Variants in PALMD observed in about 807,000 individuals in gnomAD.
PALMD encodes palmdelphin.
Under a neutral mutation model 56.2 loss-of-function variants are expected in PALMD, and 42 were observed. That is an observed-to-expected ratio of 0.75 (90% CI 0.58 to 0.97). The LOEUF (loss-of-function observed/expected upper bound fraction) is 0.97, where lower values mean the gene tolerates loss of function less well. Ranked by LOEUF, PALMD falls within the 50% of genes least tolerant of loss-of-function variation. The pLI, the probability that PALMD is intolerant of heterozygous loss-of-function variation, is 0.00. For missense variants in PALMD, 660 were observed against 643.8 expected, an observed-to-expected ratio of 1.03 and a Z score of -0.27; for synonymous variants, 242 against 222.9, an observed-to-expected ratio of 1.09 and a Z score of -0.76.
chr1:99,674,708 A>G (rs923076274), intron 3 of PALMD, among the ~76,000 whole-genome samples: 14 of 152,198 alleles, frequency 9.2e-5, no homozygotes, highest in Admixed American at 3.9e-4. Context: ...GTGCCTTGAA[A>G]TACAAATATG....
intron 3 of PALMD, among the ~76,000 whole-genome samples, chr1:99,679,110 C>T (rs1226975227): frequency 2.0e-5 from 3 of 152,078 alleles, no homozygotes; most frequent in Middle Eastern, 3.2e-3. Context: ...GAGAAATAGC[C>T]ATTGGACCCT....
At chr1:99,656,804 A>C (rs2100856016) in intron 1 of PALMD, among the ~76,000 whole-genome samples, 1 of 152,336 alleles carries the variant, frequency 6.6e-6, no homozygotes, top group Admixed American at 6.5e-5. Flanking sequence ...CTTTCTAAGC[A>C]AGCCACTTAA....
In PALMD at chr1:99,662,683, A is replaced by G. The variant is rs562666657; in HGVS notation, c.126+284A>G. Among the ~76,000 whole-genome samples the G allele has an allele frequency of 2.6e-5, 4 of 152,288 alleles. No individual in the cohort carries two copies. In the South Asian group the frequency reaches 6.2e-4, roughly 24 times the overall value. On this transcript the variant is annotated intron_variant, in intron 2 of 7. Coordinates refer to ENST00000263174, the MANE Select transcript of PALMD (RefSeq NM_017734.5). ...GCAACCTTGAGAATTCAGCCTTGAG[A>G]ATTTGGCCCTGCTCGCAGTCTTGCT... is the stretch of plus-strand genomic sequence containing the variant.
chr1:99,690,069 A>C (rs890815184), intron 7 of PALMD, 197 bp downstream of exon 7: 2 of 514,796 alleles, frequency 3.9e-6, no homozygotes, highest in Non-Finnish European at 6.7e-6. Context: ...AGAAAGTAAA[A>C]ATAAATCATT....
intron 1 of PALMD, among the ~76,000 whole-genome samples, chr1:99,651,235 A>T (rs1386278514): frequency 6.6e-6 from 1 of 152,252 alleles, no homozygotes; most frequent in Non-Finnish European, 1.5e-5. Flanking sequence ...GGTACGCCAC[A>T]CTTCTTTGCC....
chr1:99,680,377 A>C (rs1431418135), intron 3 of PALMD, among the ~76,000 whole-genome samples: 1 of 152,198 alleles, frequency 6.6e-6, no homozygotes, highest in African/African-American at 2.4e-5. Context: ...GAAAAGCAAG[A>C]TTCCAATAAT....
intron 1 of PALMD, among the ~76,000 whole-genome samples, chr1:99,659,011 A>T (rs893161576): frequency 2.6e-5 from 4 of 152,170 alleles, no homozygotes; most frequent in Admixed American, 2.6e-4. Flanking sequence ...ACAACTCCTA[A>T]TATCATCTTG....
chr1:99,658,567 C>T (rs1023163087), intron 1 of PALMD, among the ~76,000 whole-genome samples: 4 of 151,484 alleles, frequency 2.6e-5, no homozygotes, highest in African/African-American at 7.3e-5. Context: ...GTCAGGAGAT[C>T]GAGACCATCC....
At chr1:99,666,418 A>G (rs186435399) in intron 2 of PALMD, among the ~76,000 whole-genome samples, 56 of 151,712 alleles carry the variant, frequency 3.7e-4, no homozygotes, top group Admixed American at 8.5e-4. Context: ...ATCTATCACA[A>G]CTAAACTTAA....
rs834987 is a variant in PALMD at position 99,654,147 on chromosome 1, G to A, written c.45+7785G>A. 4.5e-3 allele frequency among the ~76,000 whole-genome samples: 681 copies of A among 152,250 alleles called. 4 individuals are homozygous for A. The highest frequency in any genetic ancestry group is 0.015 in the African/African-American group (637 of 41,562). On this transcript the variant is annotated intron_variant, in intron 1 of 7. Transcript: ENST00000263174. ...CAAGTTCCACCACTCGATCAATCAC[G>A]TGACTTGAGAAAGTTAATGAACTCT...
chr1:99,686,966 A>T lies in PALMD; in HGVS notation c.400+3A>T. The T allele has an allele frequency of 6.4e-7, 1 of 1,572,688 alleles. No homozygotes were observed. Among genetic ancestry groups the T allele is most frequent in the Non-Finnish European group, 8.7e-7 (1 of 1,147,284 alleles). ...GGAAAGAGAAGAAAGAGCAGAAGGT[A>T]TGTTTTTGAATAACTTATTTTATGT... On this transcript the variant is annotated splice_donor_region_variant and intron_variant, in intron 5 of 7. Coordinates refer to ENST00000263174, the MANE Select transcript of PALMD (RefSeq NM_017734.5).
At chr1:99,681,749 C>A (rs143365370) in intron 3 of PALMD, among the ~76,000 whole-genome samples, 2 of 152,202 alleles carry the variant, frequency 1.3e-5, no homozygotes, top group African/African-American at 4.8e-5. Flanking sequence ...TGGCCTCTAC[C>A]CACTAGATGT....
At chr1:99,650,093 G>T (rs1652531680) in intron 1 of PALMD, among the ~76,000 whole-genome samples, 1 of 151,918 alleles carries the variant, frequency 6.6e-6, no homozygotes, top group Non-Finnish European at 1.5e-5. Flanking sequence ...GTCAGGATGG[G>T]GTTCACAAAG....
chr1:99,664,471 G>A (rs935880355), intron 2 of PALMD, among the ~76,000 whole-genome samples: 4 of 152,078 alleles, frequency 2.6e-5, no homozygotes, highest in Non-Finnish European at 4.4e-5. Flanking sequence ...TTTGGCCTGC[G>A]TCCTTAAGAT....
At chr1:99,693,940 C>G (rs1653720291) in intron 7 of PALMD, 79 bp from the exon 8 acceptor site, 1 of 938,656 alleles carries the variant, frequency 1.1e-6, no homozygotes. Context: ...CTAAACTTTC[C>G]TGCATTCTAT....
rs144390165 is a variant in PALMD, at chr1:99,665,735, G to A, written c.127-1907G>A. 4.6e-3 allele frequency among the ~76,000 whole-genome samples: 697 copies of A among 152,070 alleles called. 4 individuals carry two copies. The highest frequency in any genetic ancestry group is 0.016 in the African/African-American group (649 of 41,484). On this transcript the variant is annotated intron_variant, in intron 2 of 7. Transcript: ENST00000263174. ...GTAAGGAGTAAAACTTACTTCTATAGGTGTTACTGTCTTCTTTCCTATGCA... is the reference window on the plus strand; with the variant it reads ...GTAAGGAGTAAAACTTACTTCTATAAGTGTTACTGTCTTCTTTCCTATGCA...
chr1:99,667,416 A>G (rs1309273135), intron 2 of PALMD, among the ~76,000 whole-genome samples: 2 of 152,166 alleles, frequency 1.3e-5, no homozygotes, highest in Non-Finnish European at 2.9e-5. Flanking sequence ...GACCCAAACT[A>G]AACCTTGAAG....
chr1:99,665,330 A>T (rs1322320179), intron 2 of PALMD, among the ~76,000 whole-genome samples: 2 of 152,140 alleles, frequency 1.3e-5, no homozygotes, highest in African/African-American at 4.8e-5. Context: ...TATTATACTC[A>T]TTAGCCTCAT....
chr1:99,677,881 CA>C (rs1372102025), intron 3 of PALMD, among the ~76,000 whole-genome samples: 1 of 152,180 alleles, frequency 6.6e-6, no homozygotes, highest in East Asian at 1.9e-4. Flanking sequence ...CATCCTCATA[CA>C]TATTATTACA....
Sources: allele counts gnomAD v4.1 joint callset (sites outside exome capture counted in the v4.1 genomes callset), GRCh38; gene constraint gnomAD v4.1.1; transcripts MANE v1.5; gene names NCBI Gene and HGNC (gene_info 2026-07-23, HGNC 2026-07-21).